Variants in VWF observed in about 807,000 individuals in gnomAD.
The protein encoded by VWF is Factor VIII related antigen.
Under a neutral mutation model 308.6 loss-of-function variants are expected in VWF, and 176 were observed. The ratio of observed to expected loss-of-function variants is 0.57; its 90% CI spans 0.50 to 0.65. The LOEUF (loss-of-function observed/expected upper bound fraction) is 0.65, where lower values mean the gene tolerates loss of function less well. Ranked by LOEUF, VWF falls within the 30% of genes least tolerant of loss-of-function variation. The pLI, the probability that VWF is intolerant of heterozygous loss-of-function variation, is 0.00. For synonymous variants in VWF, 1,385 were observed against 1,443.4 expected, an observed-to-expected ratio of 0.96 and a Z score of 0.92; for missense variants, 3,146 against 3,648.2, an observed-to-expected ratio of 0.86 and a Z score of 3.55.
chr12:6,083,684 A>T (rs1944938830), intron 6 of VWF, among the ~76,000 whole-genome samples: 1 of 152,246 alleles, frequency 6.6e-6, no homozygotes, highest in Non-Finnish European at 1.5e-5. Context: ...TCCCCTTCTT[A>T]GTCACAGAAT....
At chr12:6,095,400 T>C in intron 6 of VWF, 60 bp downstream of exon 6, 1 of 1,612,284 alleles carries the variant, frequency 6.2e-7, no homozygotes, top group Non-Finnish European at 8.5e-7. Flanking sequence ...TGAGTCCTTC[T>C]GTCTTTTAGA....
At chr12:6,071,401 A>G in intron 9 of VWF, 58 bp from the exon 10 acceptor site, 1 of 1,591,660 alleles carries the variant, frequency 6.3e-7, no homozygotes, top group East Asian at 2.2e-5. Flanking sequence ...GGGTATGCAA[A>G]TGGATTTAGA....
intron 34 of VWF, among the ~76,000 whole-genome samples, chr12:5,999,558 A>G (rs1190096345): frequency 1.3e-5 from 2 of 152,084 alleles, no homozygotes; most frequent in African/African-American, 4.8e-5. Context: ...TGAACCAGAA[A>G]TCTTGTAAAA....
At chr12:6,077,327 G>A (rs114664475) in intron 6 of VWF, among the ~76,000 whole-genome samples, 2,848 of 152,172 alleles carry the variant, frequency 0.019, 96 homozygotes, top group African/African-American at 0.064. Flanking sequence ...AAAACAAGCC[G>A]GGTTCTCTCT....
chr12:5,973,935 G>C (rs1035719537), intron 43 of VWF, among the ~76,000 whole-genome samples: 1 of 152,124 alleles, frequency 6.6e-6, no homozygotes, highest in Non-Finnish European at 1.5e-5. Flanking sequence ...CCTGAGGCCC[G>C]CTTAGAACAT....
intron 42 of VWF, among the ~76,000 whole-genome samples, chr12:5,980,895 C>T (rs867796561): frequency 6.6e-6 from 1 of 152,244 alleles, no homozygotes; most frequent in East Asian, 1.9e-4. Flanking sequence ...TCAGTTCTCA[C>T]TCCGCCACTT....
At chr12:6,064,485 C>T (rs780463444) in intron 11 of VWF, 101 bp from the exon 12 acceptor site, 19 of 1,521,440 alleles carry the variant, frequency 1.2e-5, no homozygotes, top group African/African-American at 2.7e-5. Flanking sequence ...ACCCGAGAGC[C>T]TCTGGCCTTC....
intron 15 of VWF, among the ~76,000 whole-genome samples, chr12:6,053,391 C>A (rs1329360414): frequency 6.6e-6 from 1 of 152,170 alleles, no homozygotes. Flanking sequence ...AGGATTTGAA[C>A]TCAGCTCTCT....
Position 6,020,208 on chromosome 12 carries a change from T to C in VWF, c.3675-465A>G, listed in dbSNP as rs767120459. 6.6e-6 allele frequency among the ~76,000 whole-genome samples: 1 copy of C among 152,278 alleles called. No homozygotes were observed. The highest frequency in any genetic ancestry group is 1.5e-5 in the Non-Finnish European group (1 of 68,050). On this transcript the variant is annotated intron_variant, in intron 27 of 51. Coordinates refer to ENST00000261405, the MANE Select transcript of VWF (RefSeq NM_000552.5). This position sits in a 1 kb window ranked among gnomAD's most constrained non-coding sequence, Gnocchi z 4.3. ...TTGAAGATAAATGCTTTACAGTACA[T>C]ATTCTAACAGAATGTAAATTGCATG... is the stretch of plus-strand genomic sequence containing the variant.
intron 6 of VWF, among the ~76,000 whole-genome samples, chr12:6,083,630 G>C (rs1423511085): frequency 6.6e-6 from 1 of 152,216 alleles, no homozygotes; most frequent in African/African-American, 2.4e-5. Context: ...ACCTGTGAAA[G>C]AGGGGAAAAG....
chr12:6,092,546 T>C (rs1204081225), intron 6 of VWF, among the ~76,000 whole-genome samples: 2 of 149,456 alleles, frequency 1.3e-5, no homozygotes, highest in East Asian at 3.9e-4. Flanking sequence ...CACGCGCGTG[T>C]GCCACCATGC....
chr12:5,993,877 T>C lies in VWF; in HGVS notation c.6583A>G (p.Thr2195Ala), dbSNP rs536264084. Residue 2195 changes from threonine to alanine, a missense_variant, in exon 37 of 52, where the codon ACA (threonine) becomes GCA (alanine). By Grantham distance (58) the Thr-to-Ala change is moderately conservative. Around this residue, in one of 3 missense-constraint regions of VWF, gnomAD observed 989 missense variants for 1,117.4 expected, o/e 0.89. Transcript: ENST00000261405. ...GGAGACTCACCACAGAAATCAGGTG[T>C]CCTCCAGTCAACGCAGACCCCGTTG... Reference protein sequence around the residue: ...RTNGVCVDWRTPDFCAMSCPP... With the variant: ...RTNGVCVDWRAPDFCAMSCPP... 1 of 1,613,184 alleles carries C rather than the reference T, an allele frequency of 6.2e-7. No homozygotes were observed. The highest frequency in any genetic ancestry group is 1.3e-5 in the African/African-American group (1 of 74,942).
intron 18 of VWF, among the ~76,000 whole-genome samples, chr12:6,037,464 G>C (rs216330): frequency 0.67 from 102,437 of 151,990 alleles, 34,661 homozygotes; most frequent in East Asian, 0.79. Context: ...CTTCCCCGTC[G>C]TCACCCCTCG....
At chr12:5,964,232 A>G (rs571163997) in intron 47 of VWF, among the ~76,000 whole-genome samples, 9 of 145,508 alleles carry the variant, frequency 6.2e-5, no homozygotes, top group African/African-American at 1.1e-4. Flanking sequence ...ACATACATAC[A>G]TACATACATA....
intron 42 of VWF, 23 bp from the exon 43 acceptor site, chr12:5,976,283 G>A (rs1426951276): frequency 3.1e-6 from 5 of 1,614,018 alleles, no homozygotes; most frequent in African/African-American, 1.3e-5. Context: ...GTTTTCGTGA[G>A]TGAACTCATT....
chr12:6,053,753 T>C (rs1024218826), intron 15 of VWF, among the ~76,000 whole-genome samples: 1 of 152,214 alleles, frequency 6.6e-6, no homozygotes, highest in Non-Finnish European at 1.5e-5. Context: ...TTGAATGAGC[T>C]AACACATTTA....
chr12:6,116,128 A>G (rs1291970205), intron 3 of VWF, among the ~76,000 whole-genome samples: 2 of 152,148 alleles, frequency 1.3e-5, no homozygotes, highest in Non-Finnish European at 2.9e-5. Flanking sequence ...ATCGCCGGTG[A>G]GCCCAGGAGA....
chr12:6,030,675 T>G (rs964887679), intron 21 of VWF, among the ~76,000 whole-genome samples: 1 of 152,178 alleles, frequency 6.6e-6, no homozygotes, highest in African/African-American at 2.4e-5. Context: ...TGTACACTTA[T>G]GAGAACTACT....
rs1177956822 is a variant in VWF, at chr12:6,075,145, G to A, written c.874+190C>T. Among the ~76,000 whole-genome samples the A allele has an allele frequency of 6.6e-6, 1 of 152,082 alleles. No individual in the cohort carries two copies. The highest frequency in any genetic ancestry group is 2.4e-5 in the African/African-American group (1 of 41,398). ...GCAGGGGCAGGACACGGGGCTTTGGGAAGCCCGTTTGACAGAGGGCAGGAG... is the reference window on the plus strand; with the variant it reads ...GCAGGGGCAGGACACGGGGCTTTGGAAAGCCCGTTTGACAGAGGGCAGGAG... On this transcript the variant is annotated intron_variant, in intron 7 of 51. Coordinates refer to ENST00000261405, the MANE Select transcript of VWF (RefSeq NM_000552.5). This position sits in a 1 kb window ranked among gnomAD's most constrained non-coding sequence, Gnocchi z 4.7.
Sources: gnomAD v4.1 joint callset for allele counts (sites outside exome capture counted in the v4.1 genomes callset) on GRCh38, gnomAD v4.1.1 for gene constraint, gnomAD v4.1.1 regional missense constraint, Gnocchi (gnomAD v3.1) non-coding constraint, MANE v1.5 for transcripts, NCBI Gene and HGNC (gene_info 2026-07-23, HGNC 2026-07-21) for gene names.